The following GALNTL6 variants were observed in gnomAD, a reference collection of about 807,000 sequenced individuals.
GALNTL6 encodes the protein polypeptide N-acetylgalactosaminyltransferase like 6.
Under a neutral mutation model 73.7 loss-of-function variants are expected in GALNTL6, and 46 were observed. The ratio of observed to expected loss-of-function variants is 0.62; its 90% CI spans 0.49 to 0.80. The LOEUF (loss-of-function observed/expected upper bound fraction) is 0.80. Ranked by LOEUF, GALNTL6 falls within the 30% of genes least tolerant of loss-of-function variation. GALNTL6 has a pLI of 0.00. For missense variants in GALNTL6, 604 were observed against 755.0 expected (o/e 0.80, Z 2.34); for synonymous variants, 259 against 263.7 (o/e 0.98, Z 0.17).
chr4:172,219,863 G>A (rs1011726174), intron 2 of GALNTL6, among the ~76,000 whole-genome samples: 10 of 151,934 alleles, frequency 6.6e-5, no homozygotes, highest in African/African-American at 2.4e-4. Context: ...ATATTTAAAA[G>A]TATTGGCACT....
intron 5 of GALNTL6, among the ~76,000 whole-genome samples, chr4:172,475,316 ATGG>A (rs2111470380): frequency 6.6e-6 from 1 of 152,214 alleles, no homozygotes; most frequent in South Asian, 2.1e-4. Context: ...GTTATGATTC[ATGG>A]TAAATTATTT....
intron 3 of GALNTL6, among the ~76,000 whole-genome samples, chr4:172,252,940 A>G (rs1412569589): frequency 6.6e-6 from 1 of 152,012 alleles, no homozygotes. Flanking sequence ...CTAATAAAGG[A>G]AAACACAACA....
intron 7 of GALNTL6, among the ~76,000 whole-genome samples, chr4:172,852,630 T>C (rs1184262399): frequency 3.3e-5 from 5 of 152,056 alleles, no homozygotes; most frequent in African/African-American, 4.8e-5. Flanking sequence ...GAGAAGTCAG[T>C]GGATCATAGA....
At chr4:173,033,720 T>TA (rs1350319754) in intron 12 of GALNTL6, among the ~76,000 whole-genome samples, 16 of 152,338 alleles carry the variant, frequency 1.1e-4, no homozygotes, top group African/African-American at 3.4e-4. Flanking sequence ...AAACTAGGAT[T>TA]AAAACTGGTT....
At chr4:172,176,150 T>C (rs1390347893) in intron 2 of GALNTL6, among the ~76,000 whole-genome samples, 2 of 151,502 alleles carry the variant, frequency 1.3e-5, no homozygotes, top group African/African-American at 2.4e-5. Flanking sequence ...CCATCCTGGC[T>C]AACACGGTGA....
intron 5 of GALNTL6, among the ~76,000 whole-genome samples, chr4:172,665,079 A>T (rs2111189530): frequency 6.6e-6 from 1 of 152,292 alleles, no homozygotes; most frequent in East Asian, 1.9e-4. Flanking sequence ...TTAACCTACC[A>T]CCAACTAAGC....
chr4:172,394,736 T>G (rs1364693973), intron 5 of GALNTL6, among the ~76,000 whole-genome samples: 4 of 152,106 alleles, frequency 2.6e-5, no homozygotes, highest in Admixed American at 6.6e-5. Context: ...CCGGCCCTTC[T>G]TTTATCACTT....
chr4:172,056,021 A>C (rs1731009901), intron 2 of GALNTL6, among the ~76,000 whole-genome samples: 1 of 152,192 alleles, frequency 6.6e-6, no homozygotes, highest in South Asian at 2.1e-4. Flanking sequence ...TCCCTAAAAG[A>C]GTATTTGGGA....
intron 8 of GALNTL6, among the ~76,000 whole-genome samples, chr4:172,885,798 C>G (rs540214333): frequency 6.6e-6 from 1 of 152,306 alleles, no homozygotes; most frequent in African/African-American, 2.4e-5. Context: ...ACTTTTTCAG[C>G]ATGTATCAAA....
chr4:172,702,091 A>T (rs915420792), intron 5 of GALNTL6, among the ~76,000 whole-genome samples: 2 of 152,024 alleles, frequency 1.3e-5, no homozygotes, highest in Admixed American at 6.6e-5. Flanking sequence ...CAGTCAGAAA[A>T]TTCTCCTAAT....
intron 2 of GALNTL6, among the ~76,000 whole-genome samples, chr4:171,952,312 A>G (rs904047710): frequency 6.6e-6 from 1 of 152,062 alleles, no homozygotes; most frequent in South Asian, 2.1e-4. Flanking sequence ...TGTGAATCCA[A>G]AATTTTCCTA....
intron 5 of GALNTL6, among the ~76,000 whole-genome samples, chr4:172,385,144 A>T (rs545834951): frequency 6.6e-6 from 1 of 151,592 alleles, no homozygotes; most frequent in African/African-American, 2.4e-5. Flanking sequence ...TTTCAAGAAG[A>T]GATGATGAAC....
At chr4:172,143,052 C>CA (rs997295440) in intron 2 of GALNTL6, among the ~76,000 whole-genome samples, 28 of 152,038 alleles carry the variant, frequency 1.8e-4, no homozygotes, top group African/African-American at 6.7e-4. Flanking sequence ...ATTTAACAAG[C>CA]ATTTACTGGC....
intron 2 of GALNTL6, among the ~76,000 whole-genome samples, chr4:171,884,950 G>T (rs572566767): frequency 1.3e-5 from 2 of 151,932 alleles, no homozygotes; most frequent in African/African-American, 4.8e-5. Flanking sequence ...CCAGCTACTC[G>T]GAAGGCTGAG....
chr4:172,635,402 A>G (rs1402836813), intron 5 of GALNTL6, among the ~76,000 whole-genome samples: 1 of 152,156 alleles, frequency 6.6e-6, no homozygotes, highest in Non-Finnish European at 1.5e-5. Context: ...AATTATTACA[A>G]TTCAAACTCA....
At chr4:172,996,163 GACACACACAC>G (rs10658403) in intron 10 of GALNTL6, among the ~76,000 whole-genome samples, 1 of 148,204 alleles carries the variant, frequency 6.7e-6, no homozygotes, top group Non-Finnish European at 1.5e-5. Context: ...AAGAAAATGT[GACACACACAC>G]ACACACACAC....
intron 2 of GALNTL6, among the ~76,000 whole-genome samples, chr4:172,029,672 C>T (rs1163153587): frequency 6.6e-6 from 1 of 152,002 alleles, no homozygotes; most frequent in Non-Finnish European, 1.5e-5. Flanking sequence ...TCATGCTTAT[C>T]ACAAGCATTC....
chr4:172,026,748 AC>A (rs1741598896), intron 2 of GALNTL6, among the ~76,000 whole-genome samples: 1 of 152,118 alleles, frequency 6.6e-6, no homozygotes, highest in South Asian at 2.1e-4. Flanking sequence ...TTTTACATGT[AC>A]TATGTAACAC....
Position 172,341,248 on chromosome 4 carries a change from G to A in GALNTL6, c.387-7275G>A, listed in dbSNP as rs948014391. On this transcript the variant is annotated intron_variant, in intron 4 of 12. Coordinates refer to ENST00000506823, the MANE Select transcript of GALNTL6 (RefSeq NM_001034845.3). ...GGGCGGATCACGAGGTCAGGAGATC[G>A]AGACCATCCCGGCTAAAACGGTGAA... 6.6e-5 allele frequency among the ~76,000 whole-genome samples: 10 copies of A among 151,536 alleles called. No individual in the cohort carries two copies. The South Asian group carries it at 8.4e-4, about 13-fold the overall frequency.
Sources: gnomAD v4.1 joint callset for allele counts (sites outside exome capture counted in the v4.1 genomes callset) on GRCh38, gnomAD v4.1.1 for gene constraint, MANE v1.5 for transcripts, NCBI Gene and HGNC (gene_info 2026-07-23, HGNC 2026-07-21) for gene names.